STK32B: variants seen among roughly 807,000 people sequenced by gnomAD.
The protein encoded by STK32B is serine/threonine kinase 32B, also known as serine/threonine-protein kinase 32B.
STK32B carries 43 observed loss-of-function variants against 52.6 expected under a neutral mutation model. The ratio of observed to expected loss-of-function variants is 0.82; its 90% CI spans 0.64 to 1.05. The LOEUF (loss-of-function observed/expected upper bound fraction) is 1.05, where lower values mean the gene tolerates loss of function less well. Ranked by LOEUF, STK32B falls within the 50% of genes least tolerant of loss-of-function variation. The pLI is 0.00. For synonymous variants in STK32B, 238 were observed against 204.3 expected, an observed-to-expected ratio of 1.17 and a Z score of -1.41; for missense variants, 621 against 534.6, an observed-to-expected ratio of 1.16 and a Z score of -1.59.
intron 8 of STK32B, chr4:5,458,823 G>A (rs1288392361): frequency 6.6e-6 from 1 of 152,192 alleles, no homozygotes; most frequent in Non-Finnish European, 1.5e-5. Context: ...CAGATTAGCC[G>A]AAGCAACCCT....
At chr4:5,026,032 C>T in the STK32B span, among the ~76,000 whole-genome samples, 1 of 152,250 alleles carries the variant, frequency 6.6e-6, no homozygotes, top group East Asian at 1.9e-4. Flanking sequence ...GACTCCCTCC[C>T]AGTGCAGACC....
At chr4:5,091,014 A>T (rs769259448) in intron 1 of STK32B, among the ~76,000 whole-genome samples, 4 of 152,230 alleles carry the variant, frequency 2.6e-5, no homozygotes, top group South Asian at 4.1e-4. Flanking sequence ...AGGACCATAT[A>T]GTTTCATGGG....
chr4:5,474,950 C>G (rs1219614255), intron 11 of STK32B, among the ~76,000 whole-genome samples: 1 of 152,284 alleles, frequency 6.6e-6, no homozygotes, highest in South Asian at 2.1e-4. Context: ...TCCTGGGAAC[C>G]TTGATACAGC....
intron 5 of STK32B, among the ~76,000 whole-genome samples, chr4:5,402,506 T>C (rs954394577): frequency 6.6e-6 from 1 of 152,242 alleles, no homozygotes; most frequent in African/African-American, 2.4e-5. Context: ...TGGGAAGTGG[T>C]TCGCTTGTTG....
At chr4:5,146,650 C>T (rs1293595502) in intron 2 of STK32B, among the ~76,000 whole-genome samples, 2 of 152,192 alleles carry the variant, frequency 1.3e-5, no homozygotes, top group Non-Finnish European at 2.9e-5. Flanking sequence ...AGAACCAATA[C>T]TTTGCATCCT....
At position 5,091,789 on chromosome 4, in the gene STK32B, A is replaced by G. The variant is rs149251895; in HGVS notation, c.52+39874A>G. 2.4e-3 allele frequency among the ~76,000 whole-genome samples: 361 copies of G among 152,342 alleles called. 1 individual carries two copies. Among genetic ancestry groups the G allele is most frequent in the African/African-American group, 8.3e-3 (344 of 41,584 alleles). ...GAATTATTCATAATAGCCAACAAGA[A>G]GGAGTAGGGCAAATGTTGATCAACT... On this transcript the variant is annotated intron_variant, in intron 1 of 11. Transcript: ENST00000282908.
intron 1 of STK32B, among the ~76,000 whole-genome samples, chr4:5,106,272 G>C (rs766615539): frequency 1.3e-5 from 2 of 152,120 alleles, no homozygotes; most frequent in Admixed American, 6.6e-5. Flanking sequence ...CTGCACTCCA[G>C]CCTGGATGAC....
In STK32B at chr4:5,398,092, C is replaced by A; in HGVS notation, c.435-115C>A. 9.1e-7 allele frequency: 1 copy of A among 1,095,374 alleles called. No homozygotes were observed. The highest frequency in any genetic ancestry group is 1.3e-6 in the Non-Finnish European group (1 of 746,010). The allele number at this position is 1,095,374 out of a possible 1,614,324, so 67.9% of individuals were successfully genotyped here. A position where few individuals can be genotyped will look rare whatever the true frequency, so the allele number is the denominator to read the frequency against. On this transcript the variant is annotated intron_variant, in intron 4 of 11. Transcript: ENST00000282908. The surrounding 1 kb of genome is among the most constrained non-coding windows in gnomAD (Gnocchi z 4.9). ...CCACTCCATGTCTGAGGCTTCAGGT[C>A]AGGGAGAGGTGAGCAGCCTGGGTGT...
chr4:5,182,282 TAA>T (rs1720423116), intron 3 of STK32B, among the ~76,000 whole-genome samples: 1 of 152,080 alleles, frequency 6.6e-6, no homozygotes, highest in Non-Finnish European at 1.5e-5. Context: ...GAAGGTTGAG[TAA>T]ATTTCTTCTA....
intron 5 of STK32B, among the ~76,000 whole-genome samples, chr4:5,413,825 T>C (rs1032493676): frequency 2.0e-5 from 3 of 152,116 alleles, no homozygotes; most frequent in African/African-American, 7.2e-5. Context: ...ACCATATAAC[T>C]TGCAAAACAA....
intron 3 of STK32B, among the ~76,000 whole-genome samples, chr4:5,268,136 A>G (rs1727170502): frequency 6.6e-6 from 1 of 152,158 alleles, no homozygotes; most frequent in African/African-American, 2.4e-5. Flanking sequence ...GTTGAGCATC[A>G]TTTTAGAGAG....
At chr4:5,088,538 G>C (rs1313638618) in intron 1 of STK32B, among the ~76,000 whole-genome samples, 2 of 152,006 alleles carry the variant, frequency 1.3e-5, no homozygotes, top group Admixed American at 6.6e-5. Flanking sequence ...TTAATACCTA[G>C]TATTTGATCG....
intron 4 of STK32B, among the ~76,000 whole-genome samples, chr4:5,351,488 A>C (rs114226080): frequency 0.016 from 2,406 of 152,194 alleles, 49 homozygotes; most frequent in African/African-American, 0.055. Flanking sequence ...GTTTATAACA[A>C]TAAATGTCTG....
At chr4:5,494,797 CTTGTCTGTAAAGTATT>C (rs1249211827) in intron 11 of STK32B, among the ~76,000 whole-genome samples, 2 of 152,254 alleles carry the variant, frequency 1.3e-5, no homozygotes, top group Non-Finnish European at 2.9e-5. Flanking sequence ...TCAGCGTTTG[CTTGTCTGTAAAGTATT>C]TTATTTCTCC....
intron 3 of STK32B, among the ~76,000 whole-genome samples, chr4:5,179,147 C>A (rs764180525): frequency 1.3e-5 from 2 of 152,244 alleles, no homozygotes; most frequent in African/African-American, 2.4e-5. Flanking sequence ...AAAGGAGAAG[C>A]AGCCACCTTC....
intron 3 of STK32B, among the ~76,000 whole-genome samples, chr4:5,324,971 C>T (rs576095745): frequency 6.6e-6 from 1 of 152,310 alleles, no homozygotes; most frequent in East Asian, 1.9e-4. Flanking sequence ...CTACTGAGTA[C>T]TTGCTGCTGT....
intron 1 of STK32B, among the ~76,000 whole-genome samples, chr4:5,054,569 A>G (rs1366501792): frequency 1.3e-5 from 2 of 152,166 alleles, no homozygotes; most frequent in Non-Finnish European, 2.9e-5. Context: ...GCTGAAAGGC[A>G]CAAAAGATGA....
chr4:5,492,376 T>G (rs1719810904), intron 11 of STK32B, among the ~76,000 whole-genome samples: 1 of 152,348 alleles, frequency 6.6e-6, no homozygotes, highest in African/African-American at 2.4e-5. Flanking sequence ...TTTGGCTGTT[T>G]GTCTGGTATT....
At chr4:5,194,638 TAGGC>T (rs1318049340) in intron 3 of STK32B, among the ~76,000 whole-genome samples, 3 of 152,234 alleles carry the variant, frequency 2.0e-5, no homozygotes, top group Admixed American at 6.5e-5. Context: ...AATTGTGTAT[TAGGC>T]AGTTCTCTCA....
Sources: gnomAD v4.1 joint callset for allele counts (sites outside exome capture counted in the v4.1 genomes callset) on GRCh38, gnomAD v4.1.1 for gene constraint, Gnocchi (gnomAD v3.1) non-coding constraint, MANE v1.5 for transcripts, NCBI Gene and HGNC (gene_info 2026-07-23, HGNC 2026-07-21) for gene names.